Variants in FBXL7 observed in about 807,000 individuals in gnomAD.
FBXL7 encodes the protein F-box/LRR-repeat protein 7.
Under a neutral mutation model 38.3 loss-of-function variants are expected in FBXL7, and 12 were observed. The ratio of observed to expected loss-of-function variants is 0.31; its 90% CI spans 0.20 to 0.51. The LOEUF is 0.51. Ranked by LOEUF, FBXL7 falls within the 20% of genes least tolerant of loss-of-function variation. The pLI is 0.98. For synonymous variants in FBXL7, 297 were observed against 300.9 expected (o/e 0.99, Z 0.13); for missense variants, 567 against 676.4 (o/e 0.84, Z 1.79).
At chr5:15,614,907 C>A (rs1414111183) in intron 1 of FBXL7, among the ~76,000 whole-genome samples, 1 of 152,160 alleles carries the variant, frequency 6.6e-6, no homozygotes, top group East Asian at 1.9e-4. Context: ...TCAGGCCCAC[C>A]CAGAATAATA....
chr5:15,522,886 A>G (rs529267015), intron 1 of FBXL7, among the ~76,000 whole-genome samples: 15 of 152,238 alleles, frequency 9.9e-5, no homozygotes, highest in East Asian at 5.8e-4. Flanking sequence ...GGATGTTTCA[A>G]TGACAATAGT....
chr5:15,653,465 G>A lies in FBXL7; in HGVS notation c.127+37393G>A, dbSNP rs547778262. Reference sequence around the variant, plus strand: ...GAATTACTGATAGTCTTTATTCAGAGGCTGCTGTCAAAGAACTTGTCTGTG... The same window carrying A: ...GAATTACTGATAGTCTTTATTCAGAAGCTGCTGTCAAAGAACTTGTCTGTG... On this transcript the variant is annotated intron_variant, in intron 2 of 3. Transcript: ENST00000504595. 4.6e-5 allele frequency among the ~76,000 whole-genome samples: 7 copies of A among 152,242 alleles called. No homozygotes were observed. The South Asian group carries it at 1.5e-3, about 32-fold the overall frequency.
intron 2 of FBXL7, among the ~76,000 whole-genome samples, chr5:15,892,805 C>G (rs1740955121): frequency 6.6e-6 from 1 of 152,100 alleles, no homozygotes; most frequent in African/African-American, 2.4e-5. Context: ...AACTATTTTC[C>G]TCATTTTACA....
intron 1 of FBXL7, among the ~76,000 whole-genome samples, chr5:15,566,210 G>A (rs1738567618): frequency 6.6e-6 from 1 of 152,098 alleles, no homozygotes; most frequent in South Asian, 2.1e-4. Flanking sequence ...AGAGGGTGGG[G>A]TTCAAGCTTG....
At position 15,765,083 on chromosome 5, in the gene FBXL7, T is replaced by C. The variant is rs1009179575; in HGVS notation, c.127+149011T>C. On this transcript the variant is annotated intron_variant, in intron 2 of 3. Coordinates refer to ENST00000504595, the MANE Select transcript of FBXL7 (RefSeq NM_012304.5). ...TTTGAGGAGTAGATGACATTTCCCT[T>C]AAATGGGATTCAAAGTTACTGTTCT... 4.6e-5 allele frequency among the ~76,000 whole-genome samples: 7 copies of C among 152,170 alleles called. No homozygotes were observed. The South Asian group carries it at 1.2e-3, about 27-fold the overall frequency.
At chr5:15,502,139 A>T (rs1234542271) in intron 1 of FBXL7, among the ~76,000 whole-genome samples, 1 of 152,150 alleles carries the variant, frequency 6.6e-6, no homozygotes, top group African/African-American at 2.4e-5. Context: ...TAATTGTAGC[A>T]TGTGCTTGTC....
At chr5:15,668,518 C>T (rs1284271962) in intron 2 of FBXL7, among the ~76,000 whole-genome samples, 1 of 151,936 alleles carries the variant, frequency 6.6e-6, no homozygotes, top group African/African-American at 2.4e-5. Context: ...GTGCATGTGC[C>T]TTCTGGAAAA....
At chr5:15,829,515 A>G (rs1192269440) in intron 2 of FBXL7, among the ~76,000 whole-genome samples, 4 of 152,258 alleles carry the variant, frequency 2.6e-5, no homozygotes, top group Admixed American at 6.5e-5. Context: ...ATCTCAAGAA[A>G]TAAATGGTTA....
intron 1 of FBXL7, among the ~76,000 whole-genome samples, chr5:15,564,735 A>G (rs1169871420): frequency 1.3e-5 from 2 of 152,006 alleles, no homozygotes; most frequent in Admixed American, 6.6e-5. Context: ...AAGGTTTCCG[A>G]CACTAAATCT....
intron 2 of FBXL7, among the ~76,000 whole-genome samples, chr5:15,786,426 T>C (rs1193428463): frequency 2.0e-5 from 3 of 152,242 alleles, no homozygotes; most frequent in Non-Finnish European, 4.4e-5. Context: ...TTGTTCATTA[T>C]ATTTTTTGAT....
chr5:15,851,865 G>GT (rs994425557), intron 2 of FBXL7, among the ~76,000 whole-genome samples: 1 of 150,760 alleles, frequency 6.6e-6, no homozygotes, highest in Non-Finnish European at 1.5e-5. Flanking sequence ...TCCTTGGCTA[G>GT]TTTTTTTGTA....
In FBXL7 at chr5:15,605,960, A is replaced by G. The variant is rs149349833; in HGVS notation, c.38-10023A>G. 4.8e-3 allele frequency among the ~76,000 whole-genome samples: 731 copies of G among 152,282 alleles called. 5 individuals are homozygous for G. The highest frequency in any genetic ancestry group is 0.017 in the African/African-American group (711 of 41,570). ...GCTAATGTGAAATATGTGCTCAATC[A>G]TTGTAAAATATATGTATATCTGATT... On this transcript the variant is annotated intron_variant, in intron 1 of 3. Transcript: ENST00000504595.
intron 2 of FBXL7, among the ~76,000 whole-genome samples, chr5:15,882,816 G>A (rs757674819): frequency 6.6e-6 from 1 of 152,186 alleles, no homozygotes; most frequent in Non-Finnish European, 1.5e-5. Context: ...GCAATCATAT[G>A]AGTGTGGGAT....
chr5:15,723,657 T>TG (rs1158427944), intron 2 of FBXL7, among the ~76,000 whole-genome samples: 1 of 152,320 alleles, frequency 6.6e-6, no homozygotes, highest in Non-Finnish European at 1.5e-5. Context: ...GTAACATAAT[T>TG]GGAGAATGAT....
chr5:15,766,773 G>A (rs571223287), intron 2 of FBXL7, among the ~76,000 whole-genome samples: 2 of 152,022 alleles, frequency 1.3e-5, no homozygotes, highest in South Asian at 2.1e-4. Context: ...CTGTCTTCAC[G>A]AAACCAACGA....
intron 1 of FBXL7, among the ~76,000 whole-genome samples, chr5:15,571,155 C>A (rs1042242989): frequency 1.3e-5 from 2 of 151,542 alleles, no homozygotes; most frequent in South Asian, 2.1e-4. Context: ...AGCTAAACAT[C>A]CTTGTTCTAC....
chr5:15,516,620 C>T (rs1223014402), intron 1 of FBXL7, among the ~76,000 whole-genome samples: 3 of 152,046 alleles, frequency 2.0e-5, no homozygotes, highest in Non-Finnish European at 4.4e-5. Flanking sequence ...CCATAATTCT[C>T]CCACATGTCG....
At chr5:15,628,285 C>T (rs894040491) in intron 2 of FBXL7, among the ~76,000 whole-genome samples, 6 of 152,242 alleles carry the variant, frequency 3.9e-5, no homozygotes, top group Non-Finnish European at 7.4e-5. Context: ...CCAGATTTCT[C>T]TGCCCAGAAG....
chr5:15,825,283 T>A (rs1218826170), intron 2 of FBXL7, among the ~76,000 whole-genome samples: 1 of 152,134 alleles, frequency 6.6e-6, no homozygotes, highest in East Asian at 1.9e-4. Flanking sequence ...TATTCCTATA[T>A]GATTACTAAA....
Sources: gnomAD v4.1 joint callset for allele counts (sites outside exome capture counted in the v4.1 genomes callset) on GRCh38, gnomAD v4.1.1 for gene constraint, MANE v1.5 for transcripts, NCBI Gene and HGNC (gene_info 2026-07-23, HGNC 2026-07-21) for gene names.